Variants in KPNA6 observed in about 807,000 individuals in gnomAD.
KPNA6 encodes karyopherin subunit alpha 6, also known as importin subunit alpha-7.
In KPNA6, 9 loss-of-function variants were observed where a neutral mutation model predicts 72.0. The ratio of observed to expected loss-of-function variants is 0.13; its 90% confidence interval spans 0.08 to 0.22. The LOEUF is 0.22. KPNA6 is among the 10% of genes least tolerant of loss of function. The pLI, the probability that KPNA6 is intolerant of heterozygous loss-of-function variation, is 1.00. For synonymous variants in KPNA6, 219 were observed against 242.1 expected (o/e 0.90, Z 0.89); for missense variants, 374 against 655.7 (o/e 0.57, Z 4.69).
chr1:32,161,502 C>T (rs1172937738), intron 7 of KPNA6, among the ~76,000 whole-genome samples: 1 of 152,214 alleles, frequency 6.6e-6, no homozygotes. Context: ...GTCTCATAGC[C>T]TACCACTGTC....
intron 1 of KPNA6, among the ~76,000 whole-genome samples, chr1:32,132,329 C>T (rs1351500452): frequency 6.6e-6 from 1 of 150,664 alleles, no homozygotes; most frequent in Admixed American, 6.6e-5. Flanking sequence ...GACAGTATCT[C>T]ACTCTGTTGC....
At chr1:32,162,227 G>A (rs1275303075) in intron 8 of KPNA6, 134 bp from the exon 9 acceptor site, 5 of 965,100 alleles carry the variant, frequency 5.2e-6, no homozygotes, top group African/African-American at 3.3e-5. Context: ...AATGTTTAAT[G>A]TAGTAGCGAT....
intron 1 of KPNA6, among the ~76,000 whole-genome samples, chr1:32,151,572 C>T (rs758159620): frequency 1.3e-5 from 2 of 152,146 alleles, no homozygotes; most frequent in African/African-American, 2.4e-5. Flanking sequence ...TCACTGAAGT[C>T]TCTAGTCTCT....
chr1:32,124,656 G>A (rs767918568), intron 1 of KPNA6, among the ~76,000 whole-genome samples: 4 of 151,300 alleles, frequency 2.6e-5, no homozygotes, highest in Non-Finnish European at 4.4e-5. Flanking sequence ...ACAGGCCCCC[G>A]CCACCATGCC....
chr1:32,130,002 G>C (rs962660013), intron 1 of KPNA6, among the ~76,000 whole-genome samples: 1 of 152,042 alleles, frequency 6.6e-6, no homozygotes, highest in Admixed American at 6.6e-5. Flanking sequence ...CTTATTAGCT[G>C]GTTCTTCTGC....
intron 1 of KPNA6, among the ~76,000 whole-genome samples, chr1:32,141,492 T>G (rs1010560802): frequency 9.8e-5 from 14 of 143,546 alleles, no homozygotes; most frequent in Non-Finnish European, 1.7e-4. Flanking sequence ...CCGCCTCCCA[T>G]GTTCAAGCAA....
In KPNA6 at chr1:32,149,426, A is replaced by G. The variant is rs77609938; in HGVS notation, c.5-5162A>G. On this transcript the variant is annotated intron_variant, in intron 1 of 13. Coordinates refer to ENST00000373625, the MANE Select transcript of KPNA6 (RefSeq NM_012316.5). ...TTTAAAATAGAAACAGGGTCTCCCT[A>G]TGTTGCCCAGGATGGTCTCTAACTC... Among the ~76,000 whole-genome samples, 1,445 of 152,206 alleles carry G rather than the reference A, an allele frequency of 9.5e-3. 19 individuals are homozygous for G. The highest frequency in any genetic ancestry group is 0.032 in the African/African-American group (1,330 of 41,534).
At chr1:32,123,055 C>G (rs902701774) in intron 1 of KPNA6, among the ~76,000 whole-genome samples, 2 of 151,318 alleles carry the variant, frequency 1.3e-5, no homozygotes, top group Non-Finnish European at 2.9e-5. Flanking sequence ...GACCTAAATT[C>G]GTGCAATGGC....
Position 32,173,174 on chromosome 1 carries a change from A to AAAAAG in KPNA6, c.*2284_*2285insGAAAA, listed in dbSNP as rs1642468630. On this transcript the variant is annotated 3_prime_UTR_variant, in exon 14 of 14. Coordinates refer to ENST00000373625, the MANE Select transcript of KPNA6 (RefSeq NM_012316.5). ...TTAAAAAACCATTCTCTTACAGTTT[A>AAAAAG]AAAAAAAAAAAAAAAAAAAAGCCTT... The AAAAAG allele has an allele frequency of 1.0e-5, 1 of 98,478 alleles. No homozygotes were observed. Among genetic ancestry groups the AAAAAG allele is most frequent in the African/African-American group, 5.3e-5 (1 of 19,024 alleles). 6.1% of individuals were successfully genotyped at this position (98,478 alleles called of 1,614,324 possible). A position where few individuals can be genotyped will look rare whatever the true frequency, so the allele number is the denominator to read the frequency against.
Position 32,150,604 on chromosome 1 carries a change from G to A in KPNA6, c.5-3984G>A, listed in dbSNP as rs1035474024. On this transcript the variant is annotated intron_variant, in intron 1 of 13. Coordinates refer to ENST00000373625, the MANE Select transcript of KPNA6 (RefSeq NM_012316.5). ...TTCTCCTATGGGTCACAATTTTTCT[G>A]CTGCTTAGCATGTATAGTACTTTTT... 2.0e-5 allele frequency among the ~76,000 whole-genome samples: 3 copies of A among 152,016 alleles called. No individual in the cohort carries two copies. The East Asian group carries it at 5.8e-4, about 30-fold the overall frequency.
chr1:32,136,801 C>T lies in KPNA6; in HGVS notation c.5-17787C>T, dbSNP rs191084887. ...TCTACGCATTTATTCCTCCCCAATTCATTACATTTGGAGTGAAGATATGGT... is the reference window on the plus strand; with the variant it reads ...TCTACGCATTTATTCCTCCCCAATTTATTACATTTGGAGTGAAGATATGGT... On this transcript the variant is annotated intron_variant, in intron 1 of 13. Transcript: ENST00000373625. Among the ~76,000 whole-genome samples the T allele has an allele frequency of 3.5e-3, 533 of 152,264 alleles. 4 individuals carry two copies. Among genetic ancestry groups the T allele is most frequent in the African/African-American group, 0.012 (501 of 41,564 alleles).
chr1:32,155,607 A>G (rs1466586568), intron 2 of KPNA6, among the ~76,000 whole-genome samples: 1 of 152,026 alleles, frequency 6.6e-6, no homozygotes, highest in Non-Finnish European at 1.5e-5. Context: ...CTGGGATTAC[A>G]GGCGTAAGCC....
rs768098288 is a variant in KPNA6, at chr1:32,176,359, A to G, written c.*5465A>G. 2 of 152,044 alleles carry G rather than the reference A, an allele frequency of 1.3e-5. No individual in the cohort carries two copies. Among genetic ancestry groups the G allele is most frequent in the Non-Finnish European group, 2.9e-5 (2 of 68,002 alleles). 9.4% of individuals were successfully genotyped at this position (152,044 alleles called of 1,614,324 possible). ...TATTTTTCTAATAACAATAAACTCTATTTTCCATGTTCTCAGGGCCCCTGG... is the reference window on the plus strand; with the variant it reads ...TATTTTTCTAATAACAATAAACTCTGTTTTCCATGTTCTCAGGGCCCCTGG... On this transcript the variant is annotated 3_prime_UTR_variant, in exon 14 of 14. Transcript: ENST00000373625.
chr1:32,154,801 T>C (rs1642107140), intron 2 of KPNA6, 80 bp downstream of exon 2: 2 of 1,493,906 alleles, frequency 1.3e-6, no homozygotes, highest in South Asian at 2.4e-5. Flanking sequence ...GCACCCTGAC[T>C]TGCCCTGTAG....
At chr1:32,160,179 A>C (rs1012460248) in intron 6 of KPNA6, among the ~76,000 whole-genome samples, 2 of 152,070 alleles carry the variant, frequency 1.3e-5, no homozygotes, top group Admixed American at 6.6e-5. Flanking sequence ...CTTACCTGTA[A>C]TCCCAGCTAT....
At chr1:32,115,104 T>C (rs768682732) in intron 1 of KPNA6, among the ~76,000 whole-genome samples, 2 of 151,434 alleles carry the variant, frequency 1.3e-5, no homozygotes, top group Non-Finnish European at 2.9e-5. Context: ...CCTCCCAAAG[T>C]GCTGGGATTA....
intron 5 of KPNA6, 43 bp downstream of exon 5, chr1:32,158,404 T>C: frequency 8.1e-7 from 1 of 1,231,568 alleles, no homozygotes; most frequent in Non-Finnish European, 1.2e-6. Context: ...TTTTAATTTT[T>C]GGGGGATACA....
At chr1:32,127,483 CA>C (rs1307112282) in intron 1 of KPNA6, among the ~76,000 whole-genome samples, 6 of 152,202 alleles carry the variant, frequency 3.9e-5, no homozygotes, top group Non-Finnish European at 8.8e-5. Context: ...TCCCTGTTTC[CA>C]ATTTGTCAGA....
intron 1 of KPNA6, among the ~76,000 whole-genome samples, chr1:32,142,448 T>C (rs1641856575): frequency 6.6e-6 from 1 of 152,096 alleles, no homozygotes; most frequent in African/African-American, 2.4e-5. Flanking sequence ...AAGGACTCTA[T>C]CTTCAAATAT....
Sources: gnomAD v4.1 joint callset for allele counts (sites outside exome capture counted in the v4.1 genomes callset) on GRCh38, gnomAD v4.1.1 for gene constraint, MANE v1.5 for transcripts, NCBI Gene and HGNC (gene_info 2026-07-23, HGNC 2026-07-21) for gene names.